The following PTK2 variants were observed in gnomAD, a reference collection of about 807,000 sequenced individuals.
The protein encoded by PTK2 is focal adhesion kinase 1.
Under a neutral mutation model 150.1 loss-of-function variants are expected in PTK2, and 45 were observed. The observed-to-expected ratio is 0.30, with a 90% CI of 0.24 to 0.38. The LOEUF (loss-of-function observed/expected upper bound fraction) is 0.38, where lower values mean the gene tolerates loss of function less well. PTK2 is among the 10% of genes least tolerant of loss of function. PTK2 has a pLI of 1.00. For missense variants in PTK2, 919 were observed against 1,307.3 expected, an observed-to-expected ratio of 0.70 and a Z score of 4.58; for synonymous variants, 432 against 449.2, an observed-to-expected ratio of 0.96 and a Z score of 0.48.
chr8:140,767,291 TA>T (rs2100072846), intron 14 of PTK2, among the ~76,000 whole-genome samples: 1 of 151,180 alleles, frequency 6.6e-6, no homozygotes, highest in Non-Finnish European at 1.5e-5. Context: ...GAATTGTACA[TA>T]AAATCTCTGG....
intron 14 of PTK2, chr8:140,770,747 CA>C: frequency 7.4e-7 from 1 of 1,355,420 alleles, no homozygotes; most frequent in Non-Finnish European, 9.8e-7. Flanking sequence ...AACAGAAGAC[CA>C]AAGGGAGAAA....
intron 23 of PTK2, among the ~76,000 whole-genome samples, chr8:140,714,037 C>G (rs140934144): frequency 1.3e-5 from 2 of 152,094 alleles, no homozygotes; most frequent in East Asian, 1.9e-4. Context: ...CACAGGCACA[C>G]GCCACTAAAT....
At chr8:140,658,318 T>C (rs1391129361) in exon 32 of PTK2, 1 of 171,170 alleles carries the variant, frequency 5.8e-6, no homozygotes, top group African/African-American at 2.4e-5. Context: ...TTGGGAACTC[T>C]CTTGTATGTT....
chr8:140,777,366 G>A (rs2100079054), intron 14 of PTK2, among the ~76,000 whole-genome samples: 1 of 152,158 alleles, frequency 6.6e-6, no homozygotes, highest in Non-Finnish European at 1.5e-5. Flanking sequence ...GTGGGGAAAA[G>A]CCACATACTT....
intron 22 of PTK2, among the ~76,000 whole-genome samples, chr8:140,723,253 C>T (rs1462634930): frequency 6.6e-6 from 1 of 152,204 alleles, no homozygotes; most frequent in Non-Finnish European, 1.5e-5. Flanking sequence ...GTATCACTTG[C>T]ATATTATAGA....
At chr8:140,759,780 C>T (rs1002662923) in intron 16 of PTK2, among the ~76,000 whole-genome samples, 1 of 151,830 alleles carries the variant, frequency 6.6e-6, no homozygotes, top group African/African-American at 2.4e-5. Flanking sequence ...AAAGTCGAGG[C>T]CACGGTGAGC....
chr8:140,762,276 A>G (rs2100069825), intron 15 of PTK2, 92 bp downstream of exon 18: 3 of 674,612 alleles, frequency 4.4e-6, no homozygotes, highest in African/African-American at 3.9e-5. Context: ...CAAATAGTTT[A>G]AAAATAAGTT....
intron 31 of PTK2, 65 bp downstream of exon 35, chr8:140,664,852 C>T: frequency 2.0e-6 from 3 of 1,501,736 alleles, no homozygotes; most frequent in Non-Finnish European, 2.8e-6. Context: ...GCACCACAGG[C>T]ATCCCTGAAT....
intron 14 of PTK2, among the ~76,000 whole-genome samples, chr8:140,784,355 A>G (rs972303634): frequency 1.3e-5 from 2 of 152,152 alleles, no homozygotes; most frequent in South Asian, 2.1e-4. Flanking sequence ...TGGTATTACT[A>G]TCATGTGTTA....
chr8:140,759,952 G>A (rs1192441344), intron 16 of PTK2, among the ~76,000 whole-genome samples: 1 of 151,182 alleles, frequency 6.6e-6, no homozygotes, highest in Non-Finnish European at 1.5e-5. Flanking sequence ...GGCCGGGCAC[G>A]ATGGCTCACA....
chr8:140,797,142 TCTG>T (rs10604101), intron 12 of PTK2, among the ~76,000 whole-genome samples: 86,914 of 151,686 alleles, frequency 0.57, 26,575 homozygotes, highest in African/African-American at 0.79. Context: ...CATGAGTCAT[TCTG>T]GCATTCTCCA....
intron 4 of PTK2, among the ~76,000 whole-genome samples, chr8:140,872,019 C>T (rs942713375): frequency 2.0e-5 from 3 of 152,096 alleles, no homozygotes; most frequent in Middle Eastern, 3.4e-3. Flanking sequence ...CCATCCTGGC[C>T]AACATGGTGA....
intron 14 of PTK2, among the ~76,000 whole-genome samples, chr8:140,777,495 C>T (rs1434592796): frequency 1.3e-5 from 2 of 152,222 alleles, no homozygotes; most frequent in Non-Finnish European, 1.5e-5. Context: ...CAGGCCCCAC[C>T]TCCAAAACTG....
chr8:140,694,389 T>C (rs2100025196), intron 26 of PTK2, among the ~76,000 whole-genome samples: 1 of 152,184 alleles, frequency 6.6e-6, no homozygotes. Flanking sequence ...CAGTAATTTT[T>C]GGGCTGTCAA....
At chr8:140,789,343 A>G in intron 14 of PTK2, 131 bp downstream of exon 14, 1 of 838,826 alleles carries the variant, frequency 1.2e-6, no homozygotes, top group Non-Finnish European at 1.7e-6. Flanking sequence ...AAAATTATGC[A>G]AATTTGGATA....
At chr8:140,979,049 G>A (rs2100190406) in intron 1 of PTK2, among the ~76,000 whole-genome samples, 1 of 138,852 alleles carries the variant, frequency 7.2e-6, no homozygotes, top group Admixed American at 8.1e-5. Context: ...TCATATGTGG[G>A]AATTGAACAA....
At chr8:140,988,388 C>G (rs1380047423) in intron 1 of PTK2, among the ~76,000 whole-genome samples, 1 of 152,184 alleles carries the variant, frequency 6.6e-6, no homozygotes, top group Admixed American at 6.5e-5. Flanking sequence ...ATAACTTAGA[C>G]AGCTTAGTGC....
chr8:140,935,702 CTTT>C (rs34554819), intron 1 of PTK2, among the ~76,000 whole-genome samples: 4 of 123,856 alleles, frequency 3.2e-5, no homozygotes, highest in Admixed American at 1.9e-4. Context: ...ATGTCCTCAT[CTTT>C]TTTTTTTTTT....
chr8:140,955,203 G>T (rs1040393170), intron 1 of PTK2, among the ~76,000 whole-genome samples: 4 of 152,168 alleles, frequency 2.6e-5, no homozygotes, highest in African/African-American at 9.7e-5. Flanking sequence ...ATCTTGAATT[G>T]TAGCTCCCAT....
Sources: gnomAD v4.1 joint callset for allele counts (sites outside exome capture counted in the v4.1 genomes callset) on GRCh38, gnomAD v4.1.1 for gene constraint, MANE v1.5 for transcripts, NCBI Gene and HGNC (gene_info 2026-07-23, HGNC 2026-07-21) for gene names.